The following SRGAP2 variants were observed in gnomAD, a reference collection of about 807,000 sequenced individuals.
The protein encoded by SRGAP2 is SLIT-ROBO Rho GTPase activating protein 2, also known as SLIT-ROBO Rho GTPase-activating protein 2.
SRGAP2 carries 15 observed loss-of-function variants against 57.2 expected under a neutral mutation model. The observed-to-expected ratio is 0.26, with a 90% CI of 0.18 to 0.40. The LOEUF (loss-of-function observed/expected upper bound fraction) is 0.40. Ranked by LOEUF, SRGAP2 falls within the 10% of genes least tolerant of loss-of-function variation. The probability of loss-of-function intolerance (pLI) is 1.00; values close to 1 mark genes in which losing one functional copy is unlikely to be tolerated. For missense variants in SRGAP2, 520 were observed against 669.6 expected, an observed-to-expected ratio of 0.78 and a Z score of 2.47; for synonymous variants, 249 against 248.0, an observed-to-expected ratio of 1.00 and a Z score of -0.04.
intron 2 of SRGAP2, among the ~76,000 whole-genome samples, chr1:206,283,722 A>AC (rs1164552589): frequency 6.7e-6 from 1 of 149,480 alleles, no homozygotes; most frequent in Non-Finnish European, 1.5e-5. Context: ...AATTTTGTGA[A>AC]CCCCCTCAGG....
chr1:206,313,852 A>G (rs1287508233), intron 3 of SRGAP2, among the ~76,000 whole-genome samples: 7 of 151,148 alleles, frequency 4.6e-5, no homozygotes, highest in Non-Finnish European at 7.4e-5. Context: ...TAGCAAATAT[A>G]TATCTTCTTA....
chr1:206,461,595 C>T lies in SRGAP2; in HGVS notation c.*175C>T. On this transcript the variant is annotated 3_prime_UTR_variant, in exon 23 of 23. Transcript: ENST00000573034. Reference sequence around the variant, plus strand: ...GAGAATGAAGCCCTTGGTATCGCCTCTCCCTTCCCACTGCCCTCTGCTTCC... The same window carrying T: ...GAGAATGAAGCCCTTGGTATCGCCTTTCCCTTCCCACTGCCCTCTGCTTCC... 3.3e-6 allele frequency: 2 copies of T among 608,082 alleles called. No homozygotes were observed. The highest frequency in any genetic ancestry group is 5.9e-6 in the Non-Finnish European group (2 of 340,394). The allele number at this position is 608,082 out of a possible 1,614,324, so 37.7% of individuals were successfully genotyped here.
chr1:206,353,848 G>T, intron 4 of SRGAP2, among the ~76,000 whole-genome samples: 2 of 124,160 alleles, frequency 1.6e-5, no homozygotes, highest in Admixed American at 8.7e-5. Flanking sequence ...CACCCAGGTT[G>T]GAGTACAGTG....
rs967830420 is a variant in SRGAP2 at position 206,425,292 on chromosome 1, T to C, written c.1494+4018T>C. Reference sequence around the variant, plus strand: ...ACACTTATGGGGTACATGTAATATTTTGATACATGCATACAATTTGTAATA... The same window carrying C: ...ACACTTATGGGGTACATGTAATATTCTGATACATGCATACAATTTGTAATA... On this transcript the variant is annotated intron_variant, in intron 13 of 22. Coordinates refer to ENST00000573034, the MANE Select transcript of SRGAP2 (RefSeq NM_015326.5). Among the ~76,000 whole-genome samples the C allele has an allele frequency of 2.0e-5, 3 of 152,236 alleles. 1 individual carries two copies. The East Asian group carries it at 5.8e-4, about 29-fold the overall frequency.
chr1:206,446,329 G>A, intron 18 of SRGAP2, 30 bp downstream of exon 18: 4 of 779,438 alleles, frequency 5.1e-6, no homozygotes, highest in Non-Finnish European at 9.6e-6. Context: ...GAGGAGGGGA[G>A]GGATTCACTA....
chr1:206,458,427 C>T (rs1350912609), intron 21 of SRGAP2, 196 bp from the exon 22 acceptor site: 7 of 712,858 alleles, frequency 9.8e-6, no homozygotes, highest in African/African-American at 8.7e-5. Flanking sequence ...TCCATTTCTC[C>T]TTCACCCAGC....
intron 3 of SRGAP2, among the ~76,000 whole-genome samples, chr1:206,306,991 A>T (rs1273988494): frequency 6.7e-4 from 101 of 151,494 alleles, no homozygotes; most frequent in African/African-American, 1.5e-3. Flanking sequence ...CAGGGTGCTG[A>T]TTGGTGTATT....
chr1:206,207,595 C>A (rs1460193856), intron 2 of SRGAP2: 2 of 151,550 alleles, frequency 1.3e-5, no homozygotes, highest in South Asian at 4.2e-4. Context: ...CTCTTGGAAT[C>A]CCCCCTGCAG....
rs1298612953 is a variant in SRGAP2, at chr1:206,464,265, G to C, written c.*2845G>C. ...ATCGCAATGTTGTGGCGTCTGACTT[G>C]TATGTCACATTTGTGTAAAATGGTA... On this transcript the variant is annotated 3_prime_UTR_variant, in exon 23 of 23. Coordinates refer to ENST00000573034, the MANE Select transcript of SRGAP2 (RefSeq NM_015326.5). The C allele has an allele frequency of 6.6e-6, 1 of 152,618 alleles. No homozygotes were observed. Among genetic ancestry groups the C allele is most frequent in the African/African-American group, 2.4e-5 (1 of 41,436 alleles). The allele number at this position is 152,618 out of a possible 1,614,324, so 9.5% of individuals were successfully genotyped here.
intron 13 of SRGAP2, among the ~76,000 whole-genome samples, chr1:206,428,982 A>G (rs1661053029): frequency 6.6e-6 from 1 of 152,178 alleles, no homozygotes; most frequent in Non-Finnish European, 1.5e-5. Context: ...AATAATAATA[A>G]TATGTACTCC....
chr1:206,239,457 T>A (rs1206949853), intron 2 of SRGAP2, among the ~76,000 whole-genome samples: 2 of 151,924 alleles, frequency 1.3e-5, no homozygotes, highest in Admixed American at 1.3e-4. Context: ...AAAAGAAAAG[T>A]TTTTTTTCTT....
At position 206,461,625 on chromosome 1, in the gene SRGAP2, G is replaced by T. The variant is rs1664272934; in HGVS notation, c.*205G>T. ...TTCCCACTGCCCTCTGCTTCCCCCAGTCGTCGTAATTCAGCCAGCTGCAGT... is the reference window on the plus strand; with the variant it reads ...TTCCCACTGCCCTCTGCTTCCCCCATTCGTCGTAATTCAGCCAGCTGCAGT... On this transcript the variant is annotated 3_prime_UTR_variant, in exon 23 of 23. Transcript: ENST00000573034. 3.6e-6 allele frequency: 2 copies of T among 561,728 alleles called. No individual in the cohort carries two copies. The highest frequency in any genetic ancestry group is 6.3e-6 in the Non-Finnish European group (2 of 317,776). 34.8% of individuals were successfully genotyped at this position (561,728 alleles called of 1,614,324 possible). A position where few individuals can be genotyped will look rare whatever the true frequency, so the allele number is the denominator to read the frequency against.
At chr1:206,257,279 C>T (rs1209380976) in intron 2 of SRGAP2, among the ~76,000 whole-genome samples, 1 of 77,080 alleles carries the variant, frequency 1.3e-5, no homozygotes, top group Non-Finnish European at 2.5e-5. Flanking sequence ...TGAAGTGATC[C>T]TCTTGCCTCA....
intron 3 of SRGAP2, among the ~76,000 whole-genome samples, chr1:206,310,445 T>G (rs1402539972): frequency 6.6e-6 from 1 of 152,226 alleles, no homozygotes; most frequent in Admixed American, 6.5e-5. Flanking sequence ...TCACCTGATA[T>G]ATTTTTAGCA....
intron 12 of SRGAP2, among the ~76,000 whole-genome samples, 184 bp downstream of exon 12, chr1:206,419,584 A>G (rs1660113285): frequency 6.6e-6 from 1 of 152,146 alleles, no homozygotes; most frequent in African/African-American, 2.4e-5. Flanking sequence ...TCAGATAGAA[A>G]TGGGGTTTTC....
intron 10 of SRGAP2, among the ~76,000 whole-genome samples, chr1:206,410,292 A>G (rs1430793086): frequency 1.3e-5 from 2 of 152,226 alleles, no homozygotes; most frequent in East Asian, 3.9e-4. Context: ...CAGTGGTGAC[A>G]TGTTTCCTGA....
chr1:206,279,804 A>G (rs1443143818), intron 2 of SRGAP2, among the ~76,000 whole-genome samples: 1 of 151,618 alleles, frequency 6.6e-6, no homozygotes, highest in African/African-American at 2.4e-5. Flanking sequence ...AAATAATAGA[A>G]GTGAAAGCAC....
intron 3 of SRGAP2, chr1:206,333,551 A>G (rs1674544160): frequency 1.2e-6 from 1 of 852,814 alleles, no homozygotes; most frequent in Non-Finnish European, 1.9e-6. Flanking sequence ...TTTTTAAGAG[A>G]CAGGTCCTAT....
intron 21 of SRGAP2, chr1:206,455,765 A>T (rs191277170): frequency 1.3e-5 from 2 of 152,128 alleles, no homozygotes; most frequent in East Asian, 3.9e-4. Context: ...CTTACCTCTG[A>T]CCCCCAGCTT....
Sources: gnomAD v4.1 joint callset for allele counts (sites outside exome capture counted in the v4.1 genomes callset) on GRCh38, gnomAD v4.1.1 for gene constraint, MANE v1.5 for transcripts, NCBI Gene and HGNC (gene_info 2026-07-23, HGNC 2026-07-21) for gene names.